Variants in EPB41L4B observed in about 807,000 individuals in gnomAD.
EPB41L4B encodes band 4.1-like protein 4B.
EPB41L4B carries 30 observed loss-of-function variants against 112.5 expected under a neutral mutation model. The observed-to-expected ratio is 0.27, with a 90% CI of 0.20 to 0.36. EPB41L4B has a LOEUF of 0.36. Among genes scored for constraint, EPB41L4B ranks in the 10% least tolerant of loss-of-function variants. EPB41L4B has a pLI of 1.00. For synonymous variants in EPB41L4B, 408 were observed against 439.7 expected (o/e 0.93, Z 0.90); for missense variants, 1,024 against 1,133.3 (o/e 0.90, Z 1.38).
chr9:109,275,280 T>G (rs1403757725), intron 2 of EPB41L4B, among the ~76,000 whole-genome samples: 1 of 152,198 alleles, frequency 6.6e-6, no homozygotes, highest in African/African-American at 2.4e-5. Flanking sequence ...GATCTGCATG[T>G]CAGGGGCTGG....
chr9:109,196,098 G>A (rs1299365185), intron 20 of EPB41L4B: 1 of 150,852 alleles, frequency 6.6e-6, no homozygotes, highest in Non-Finnish European at 1.5e-5. Flanking sequence ...TTTGATTCTG[G>A]GAAATTGGCT....
At chr9:109,307,942 C>T (rs1008703663) in intron 1 of EPB41L4B, among the ~76,000 whole-genome samples, 9 of 152,116 alleles carry the variant, frequency 5.9e-5, no homozygotes, top group Non-Finnish European at 8.8e-5. Flanking sequence ...TCATTTGCCA[C>T]GGTGAGCAGC....
chr9:109,312,788 C>G (rs2119272504), intron 1 of EPB41L4B, among the ~76,000 whole-genome samples: 1 of 152,346 alleles, frequency 6.6e-6, no homozygotes. Flanking sequence ...ACAGCCAGAA[C>G]TCATCTGAAT....
At chr9:109,219,462 G>A (rs1228003042) in intron 15 of EPB41L4B, among the ~76,000 whole-genome samples, 2 of 152,106 alleles carry the variant, frequency 1.3e-5, no homozygotes, top group African/African-American at 4.8e-5. Context: ...CCGGGTTCAC[G>A]CCATTCTCCT....
In EPB41L4B at chr9:109,174,598, C is replaced by T. The variant is rs1476947544; in HGVS notation, c.2659G>A (p.Glu887Lys). 1 of 1,614,118 alleles carries T rather than the reference C, an allele frequency of 6.2e-7. No homozygotes were observed. Among genetic ancestry groups the T allele is most frequent in the South Asian group, 1.1e-5 (1 of 91,072 alleles). ...AGTCTTTTCATCATCTTCTCTCTCT[C>T]CAGTTCCTGCCGGAGTGTCTCTGCA... ...ASAETLRQEL[E>K]REKMMKRLLM... The change falls in exon 26 of 26, where the codon GAG becomes AAG. Residue 887 changes from glutamate to lysine, a missense_variant. Coordinates refer to ENST00000374566, the MANE Select transcript of EPB41L4B (RefSeq NM_019114.5).
Position 109,263,114 on chromosome 9 carries a change from T to C in EPB41L4B, c.579-12A>G. The C allele has an allele frequency of 6.4e-7, 1 of 1,560,796 alleles. No homozygotes were observed. The highest frequency in any genetic ancestry group is 8.8e-7 in the Non-Finnish European group (1 of 1,141,252). On this transcript the variant is annotated splice_polypyrimidine_tract_variant and intron_variant, in intron 5 of 25. Coordinates refer to ENST00000374566, the MANE Select transcript of EPB41L4B (RefSeq NM_019114.5). ...AAGGGCATTTCAATCTTGAAAAAAA[T>C]AAAATGAAATTAATTCGAAATAGGA...
intron 15 of EPB41L4B, among the ~76,000 whole-genome samples, chr9:109,228,569 C>T (rs1434341706): frequency 1.3e-5 from 2 of 152,166 alleles, no homozygotes; most frequent in African/African-American, 4.8e-5. Context: ...TCTTGGACTT[C>T]AATTTTCTTC....
chr9:109,256,095 A>G, intron 9 of EPB41L4B, 41 bp downstream of exon 9: 1 of 1,555,158 alleles, frequency 6.4e-7, no homozygotes, highest in Non-Finnish European at 8.9e-7. Flanking sequence ...CCACCACAAA[A>G]TAGGAAAAGA....
intron 15 of EPB41L4B, among the ~76,000 whole-genome samples, chr9:109,226,068 T>C (rs1833749206): frequency 6.6e-6 from 1 of 152,214 alleles, no homozygotes; most frequent in Non-Finnish European, 1.5e-5. Flanking sequence ...CCTTGCCCCA[T>C]GAACTTGTGA....
At chr9:109,212,412 T>C (rs1833213969) in intron 17 of EPB41L4B, among the ~76,000 whole-genome samples, 1 of 152,138 alleles carries the variant, frequency 6.6e-6, no homozygotes, top group African/African-American at 2.4e-5. Flanking sequence ...TGAATGGCTA[T>C]CAGAGCCATC....
At chr9:109,305,450 C>A (rs1277003660) in intron 1 of EPB41L4B, among the ~76,000 whole-genome samples, 1 of 152,044 alleles carries the variant, frequency 6.6e-6, no homozygotes, top group African/African-American at 2.4e-5. Flanking sequence ...GAAACCCGGT[C>A]TCTACTAAAA....
At chr9:109,206,796 T>C (rs1214049035) in intron 18 of EPB41L4B, among the ~76,000 whole-genome samples, 1 of 152,242 alleles carries the variant, frequency 6.6e-6, no homozygotes, top group Non-Finnish European at 1.5e-5. Flanking sequence ...CCCAGGGGCC[T>C]GCAAACCTCA....
At chr9:109,176,935 G>C (rs1041433481) in intron 24 of EPB41L4B, among the ~76,000 whole-genome samples, 2 of 152,188 alleles carry the variant, frequency 1.3e-5, no homozygotes, top group African/African-American at 4.8e-5. Flanking sequence ...GGCACCATCA[G>C]TTGTAAGATG....
chr9:109,312,467 G>A (rs1025574880), intron 1 of EPB41L4B, among the ~76,000 whole-genome samples: 2 of 152,094 alleles, frequency 1.3e-5, no homozygotes, highest in African/African-American at 4.8e-5. Context: ...GGGCTCAGGG[G>A]TCGCCATCCA....
intron 15 of EPB41L4B, among the ~76,000 whole-genome samples, chr9:109,226,493 C>T (rs1368590851): frequency 6.6e-6 from 1 of 151,380 alleles, no homozygotes; most frequent in Non-Finnish European, 1.5e-5. Flanking sequence ...TTTTTTCAGC[C>T]CTTGTATAAC....
intron 1 of EPB41L4B, among the ~76,000 whole-genome samples, chr9:109,306,771 C>T (rs1338863969): frequency 1.3e-5 from 2 of 152,134 alleles, no homozygotes; most frequent in Non-Finnish European, 2.9e-5. Context: ...CATCAAAAAC[C>T]ACTGTTGTAT....
At chr9:109,251,660 T>C (rs1834792596) in intron 12 of EPB41L4B, 149 bp from the exon 13 acceptor site, 3 of 750,318 alleles carry the variant, frequency 4.0e-6, no homozygotes, top group African/African-American at 1.7e-5. Context: ...CTACTTCTCC[T>C]TTCCTCAGGG....
chr9:109,185,964 G>C (rs569207135), intron 22 of EPB41L4B, among the ~76,000 whole-genome samples: 25 of 152,184 alleles, frequency 1.6e-4, no homozygotes, highest in Non-Finnish European at 3.2e-4. Flanking sequence ...ACGCGGTTGA[G>C]GGTTCTGAAG....
intron 22 of EPB41L4B, among the ~76,000 whole-genome samples, chr9:109,187,727 G>A (rs1269909533): frequency 6.6e-6 from 1 of 152,122 alleles, no homozygotes; most frequent in Non-Finnish European, 1.5e-5. Context: ...AATAAAAGCT[G>A]GCACAAATGA....
Sources: allele counts gnomAD v4.1 joint callset (sites outside exome capture counted in the v4.1 genomes callset), GRCh38; gene constraint gnomAD v4.1.1; transcripts MANE v1.5; gene names NCBI Gene and HGNC (gene_info 2026-07-23, HGNC 2026-07-21).